Variants in SV2C observed in about 807,000 individuals in gnomAD.
SV2C encodes the protein synaptic vesicle glycoprotein 2C.
Under a neutral mutation model 79.7 loss-of-function variants are expected in SV2C, and 49 were observed. The ratio of observed to expected loss-of-function variants is 0.61; its 90% confidence interval spans 0.49 to 0.78. The LOEUF is 0.78. Among genes scored for constraint, SV2C ranks in the 30% least tolerant of loss-of-function variants. The pLI, the probability that SV2C is intolerant of heterozygous loss-of-function variation, is 0.00. For missense variants in SV2C, 833 were observed against 912.9 expected (o/e 0.91, Z 1.13); for synonymous variants, 334 against 333.2 (o/e 1.00, Z -0.03).
chr5:75,907,500 GA>G, the SV2C span, among the ~76,000 whole-genome samples: 1 of 152,096 alleles, frequency 6.6e-6, no homozygotes, highest in Non-Finnish European at 1.5e-5. Flanking sequence ...GGGATATGGG[GA>G]TATAAGCAAA....
the SV2C span, among the ~76,000 whole-genome samples, chr5:76,074,286 G>A: frequency 7.8e-3 from 1,184 of 152,138 alleles, 14 homozygotes; most frequent in African/African-American, 0.027. Flanking sequence ...TGTGTGATGC[G>A]GTTCCACTCT....
intron 10 of SV2C, 130 bp downstream of exon 10, chr5:76,299,057 T>C: frequency 8.8e-7 from 1 of 1,134,004 alleles, no homozygotes; most frequent in Admixed American, 3.0e-5. Flanking sequence ...ACAAGTTCTC[T>C]AAATCAGGTT....
Position 76,131,893 on chromosome 5 carries a change from G to C in SV2C, c.143G>C (p.Arg48Pro). The change falls in exon 2 of 13, where the codon CGG (arginine) becomes CCG (proline). Residue 48 changes from arginine to proline, a missense_variant. By Grantham distance (103) the Arg-to-Pro change is moderately radical. Coordinates refer to ENST00000502798, the MANE Select transcript of SV2C (RefSeq NM_014979.4). Reference sequence around the variant, plus strand: ...GAATACACCCAGAGGTCCTACAGTCGGTTCCAAGATGAAGAAGATGATGAT... The same window carrying C: ...GAATACACCCAGAGGTCCTACAGTCCGTTCCAAGATGAAGAAGATGATGAT... ...QDEYTQRSYS[R>P]FQDEEDDDDY... The C allele has an allele frequency of 6.2e-7, 1 of 1,614,062 alleles. No individual in the cohort carries two copies. The highest frequency in any genetic ancestry group is 8.5e-7 in the Non-Finnish European group (1 of 1,180,006).
the SV2C span, among the ~76,000 whole-genome samples, chr5:75,970,864 A>G: frequency 4.7e-3 from 711 of 152,204 alleles, 1 homozygote; most frequent in African/African-American, 0.016. Context: ...TGGCAGAGAC[A>G]CAACCAAAAA....
At position 76,269,569 on chromosome 5, in the gene SV2C, G is replaced by A. The variant is rs74577423; in HGVS notation, c.914-15593G>A. Among the ~76,000 whole-genome samples the A allele has an allele frequency of 8.0e-3, 1,215 of 152,254 alleles. 16 individuals carry two copies. Among genetic ancestry groups the A allele is most frequent in the African/African-American group, 0.028 (1,154 of 41,538 alleles). On this transcript the variant is annotated intron_variant, in intron 4 of 12. Transcript: ENST00000502798. ...GTACCTTTGAATCCACTTTACCCGT[G>A]TCCCTGCTGTAGTCTGCAATTGGTA... is the stretch of plus-strand genomic sequence containing the variant.
chr5:76,090,411 T>C (rs903418594), intron 1 of SV2C, among the ~76,000 whole-genome samples: 1 of 152,212 alleles, frequency 6.6e-6, no homozygotes, highest in Non-Finnish European at 1.5e-5. Context: ...CCTGGCCCTC[T>C]CCTTACTCAG....
chr5:76,179,030 G>A (rs1036046448), intron 2 of SV2C, among the ~76,000 whole-genome samples: 2 of 152,188 alleles, frequency 1.3e-5, no homozygotes, highest in Admixed American at 1.3e-4. Flanking sequence ...CATAGTTCCT[G>A]CCAGGAGTCA....
the SV2C span, among the ~76,000 whole-genome samples, chr5:76,044,157 G>A: frequency 0.038 from 5,727 of 152,218 alleles, 142 homozygotes; most frequent in Non-Finnish European, 0.058. Flanking sequence ...GAGAACATGC[G>A]ATGTTTGTTT....
chr5:75,933,417 G>A, the SV2C span, among the ~76,000 whole-genome samples: 3 of 152,106 alleles, frequency 2.0e-5, no homozygotes, highest in Admixed American at 6.6e-5. Flanking sequence ...ATTTGGCCCC[G>A]TTCTTGTCCC....
At chr5:75,897,625 G>A in the SV2C span, among the ~76,000 whole-genome samples, 4 of 152,306 alleles carry the variant, frequency 2.6e-5, no homozygotes. Flanking sequence ...GTAGCTTGAT[G>A]GAGATGACAT....
rs1310477429 is a variant in SV2C at position 76,244,401 on chromosome 5, C to G, written c.913+34514C>G. Among the ~76,000 whole-genome samples, 3 of 152,232 alleles carry G rather than the reference C, an allele frequency of 2.0e-5. No homozygotes were observed. In the South Asian group the frequency reaches 6.2e-4, roughly 32 times the overall value. On this transcript the variant is annotated intron_variant, in intron 4 of 12. Coordinates refer to ENST00000502798, the MANE Select transcript of SV2C (RefSeq NM_014979.4). ...GAGTTTTGGTCTTGCCCAGTGCTGT[C>G]CAGTAGAAATATAACATGAGCCACA... is the stretch of plus-strand genomic sequence containing the variant.
chr5:76,274,280 C>T (rs1305780341), intron 4 of SV2C, among the ~76,000 whole-genome samples: 1 of 152,124 alleles, frequency 6.6e-6, no homozygotes, highest in Non-Finnish European at 1.5e-5. Flanking sequence ...AAAATTCAAA[C>T]ATTAAAGAAA....
chr5:76,152,809 C>T (rs145800173), intron 2 of SV2C, among the ~76,000 whole-genome samples: 3 of 152,240 alleles, frequency 2.0e-5, no homozygotes, highest in Admixed American at 1.3e-4. Context: ...GGCACACTAC[C>T]GTTATAAGGT....
intron 1 of SV2C, among the ~76,000 whole-genome samples, chr5:76,130,591 C>CAA (rs1316383043): frequency 6.6e-6 from 1 of 152,120 alleles, no homozygotes; most frequent in Non-Finnish European, 1.5e-5. Context: ...CATCTGTGTA[C>CAA]AAGGATGAAC....
At chr5:75,946,845 A>G in the SV2C span, among the ~76,000 whole-genome samples, 4 of 152,154 alleles carry the variant, frequency 2.6e-5, no homozygotes, top group South Asian at 8.3e-4. Flanking sequence ...TCATAGGTAC[A>G]TGACTCTATC....
At chr5:76,025,281 A>C in the SV2C span, among the ~76,000 whole-genome samples, 2 of 152,018 alleles carry the variant, frequency 1.3e-5, no homozygotes, top group Admixed American at 6.6e-5. Flanking sequence ...TACCAGAGAC[A>C]GAGCAGATGG....
chr5:76,087,041 T>G (rs918652216), intron 1 of SV2C, among the ~76,000 whole-genome samples: 1 of 152,178 alleles, frequency 6.6e-6, no homozygotes, highest in African/African-American at 2.4e-5. Flanking sequence ...TGAGTTATAT[T>G]TTAAGTTTGA....
chr5:75,936,851 G>A, the SV2C span, among the ~76,000 whole-genome samples: 5 of 152,208 alleles, frequency 3.3e-5, no homozygotes, highest in Non-Finnish European at 4.4e-5. Flanking sequence ...GTTGAGCAGT[G>A]TGTCAAATGT....
chr5:76,020,572 G>A, the SV2C span, among the ~76,000 whole-genome samples: 4 of 152,188 alleles, frequency 2.6e-5, no homozygotes, highest in Admixed American at 1.3e-4. Flanking sequence ...CAGTAACTGA[G>A]CAGAACTTTT....
Sources: allele counts gnomAD v4.1 joint callset (sites outside exome capture counted in the v4.1 genomes callset), GRCh38; gene constraint gnomAD v4.1.1; transcripts MANE v1.5; gene names NCBI Gene and HGNC (gene_info 2026-07-23, HGNC 2026-07-21).